The following SYTL2 variants were observed in gnomAD, a reference collection of about 807,000 sequenced individuals.
SYTL2 encodes synaptotagmin like 2.
A neutral mutation model predicts 198.7 loss-of-function variants in SYTL2; 165 were observed. The ratio of observed to expected loss-of-function variants is 0.83; its 90% CI spans 0.73 to 0.94. The LOEUF (loss-of-function observed/expected upper bound fraction) is 0.94, where lower values mean the gene tolerates loss of function less well. Among genes scored for constraint, SYTL2 ranks in the 40% least tolerant of loss-of-function variants. SYTL2 has a pLI of 0.00. For missense variants in SYTL2, 2,835 were observed against 2,582.8 expected, an observed-to-expected ratio of 1.10 and a Z score of -2.12; for synonymous variants, 966 against 917.7, an observed-to-expected ratio of 1.05 and a Z score of -0.95.
At chr11:85,839,918 C>T in the SYTL2 span, among the ~76,000 whole-genome samples, 1 of 152,150 alleles carries the variant, frequency 6.6e-6, no homozygotes, top group African/African-American at 2.4e-5. Flanking sequence ...ACAAGGATTC[C>T]CATTTCTCCA....
chr11:85,850,532 G>A, the SYTL2 span, among the ~76,000 whole-genome samples: 1 of 151,524 alleles, frequency 6.6e-6, no homozygotes, highest in East Asian at 1.9e-4. Context: ...AACAACAGGT[G>A]CTGGAGAGGA....
intron 1 of SYTL2, among the ~76,000 whole-genome samples, chr11:85,787,731 G>A (rs1211186776): frequency 3.6e-5 from 3 of 83,714 alleles, no homozygotes; most frequent in Admixed American, 1.4e-4. Context: ...TATTTTTATG[G>A]TATTTAGTAT....
chr11:85,806,125 ACTT>A (rs988988767), intron 1 of SYTL2, among the ~76,000 whole-genome samples: 4 of 152,236 alleles, frequency 2.6e-5, no homozygotes, highest in Non-Finnish European at 4.4e-5. Flanking sequence ...AATTTAAATT[ACTT>A]ATACTAAGTT....
At chr11:85,802,157 T>C (rs1023085930) in intron 1 of SYTL2, among the ~76,000 whole-genome samples, 1 of 151,918 alleles carries the variant, frequency 6.6e-6, no homozygotes, top group Admixed American at 6.6e-5. Flanking sequence ...CTCCATGGCT[T>C]TGAACTTGAA....
At chr11:85,768,420 T>C (rs377558973) in intron 1 of SYTL2, among the ~76,000 whole-genome samples, 1 of 152,202 alleles carries the variant, frequency 6.6e-6, no homozygotes, top group African/African-American at 2.4e-5. Flanking sequence ...CGTTTGTTTC[T>C]TCATCTATTC....
chr11:85,802,406 C>T (rs914582119), intron 1 of SYTL2, among the ~76,000 whole-genome samples: 1 of 152,014 alleles, frequency 6.6e-6, no homozygotes, highest in African/African-American at 2.4e-5. Flanking sequence ...GCTAGGATTA[C>T]AGGCATGAGC....
chr11:85,695,270 C>T lies in SYTL2; in HGVS notation c.6645G>A (p.Met2215Ile), dbSNP rs1384500485. The change falls in exon 20 of 20, where the codon ATG (methionine) becomes ATA (isoleucine). Residue 2215 changes from methionine (M) to isoleucine (I), a missense_variant. Physicochemically the swap from Met to Ile is conservative, Grantham distance 10. Coordinates refer to ENST00000359152, the MANE Select transcript of SYTL2 (RefSeq NM_206927.4). ...CAATCCAAGTATTGGGGGAGTTTAC[C>T]ATCTTCTCCCAGAGAGCAACTTCCT... ...TSEEVALWEK[M>I]VNSPNTWIEA... is the part of the protein sequence containing the mutation. The T allele has an allele frequency of 6.2e-7, 1 of 1,612,536 alleles. No individual in the cohort carries two copies. The highest frequency in any genetic ancestry group is 8.5e-7 in the Non-Finnish European group (1 of 1,178,858).
intron 3 of SYTL2, 63 bp downstream of exon 3, chr11:85,748,209 T>C: frequency 6.5e-7 from 1 of 1,550,384 alleles, no homozygotes. Context: ...CACCATTCCC[T>C]TCTCCCCGCT....
chr11:85,718,837 G>T lies in SYTL2; in HGVS notation c.5435C>A (p.Ala1812Glu). The change falls in exon 10 of 20, where the codon GCA (alanine) becomes GAA (glutamate). Residue 1812 changes from alanine to glutamate, a missense_variant. Physicochemically the swap from Ala to Glu is moderately radical, Grantham distance 107. This residue lies in a region of SYTL2 where 2,645 missense variants were observed against 2,381.7 expected (regional missense o/e 1.11). Coordinates refer to ENST00000359152, the MANE Select transcript of SYTL2 (RefSeq NM_206927.4). ...TTCTTCTGGCTGATTATCTACTTTTGCTTGATCTGTTCAGAAGAAATTAAC... is the reference window on the plus strand; with the variant it reads ...TTCTTCTGGCTGATTATCTACTTTTTCTTGATCTGTTCAGAAGAAATTAAC... ...EDISSDSSNQ[A>E]KVDNQPEELV... The T allele has an allele frequency of 6.2e-7, 1 of 1,613,512 alleles. No individual in the cohort carries two copies. The highest frequency in any genetic ancestry group is 8.5e-7 in the Non-Finnish European group (1 of 1,179,698).
upstream of SYTL2, among the ~76,000 whole-genome samples, chr11:85,812,606 T>C (rs1299680455): frequency 4.6e-5 from 7 of 152,148 alleles, no homozygotes; most frequent in South Asian, 1.0e-3. Context: ...AAAATACAAA[T>C]GTGACCAAGG....
At chr11:85,738,421 C>T (rs149485819) in intron 4 of SYTL2, among the ~76,000 whole-genome samples, 84 of 151,532 alleles carry the variant, frequency 5.5e-4, no homozygotes, top group Middle Eastern at 3.4e-3. Flanking sequence ...TACATAGAGG[C>T]GAGAAAGGGG....
chr11:85,711,815 A>T (rs754076160), intron 12 of SYTL2, among the ~76,000 whole-genome samples: 1 of 152,082 alleles, frequency 6.6e-6, no homozygotes, highest in African/African-American at 2.4e-5. Context: ...TTCCTGTGTT[A>T]TTATGCTTAT....
intron 2 of SYTL2, among the ~76,000 whole-genome samples, chr11:85,754,785 G>A (rs1196903296): frequency 1.3e-5 from 2 of 152,114 alleles, no homozygotes; most frequent in Non-Finnish European, 2.9e-5. Context: ...AGATGCAAAC[G>A]CATGTCAGTT....
chr11:85,834,750 TTTTC>T, the SYTL2 span, among the ~76,000 whole-genome samples: 246 of 134,910 alleles, frequency 1.8e-3, no homozygotes, highest in African/African-American at 6.9e-3. Flanking sequence ...TATTAAATGC[TTTTC>T]TTTTTCTTTT....
rs756342109 is a variant in SYTL2 at position 85,725,154 on chromosome 11, C to A, written c.4204G>T (p.Glu1402Ter). Residue 1402 changes from glutamate to a stop codon, truncating the protein, a stop_gained, in exon 8 of 20, where the codon GAA becomes TAA. Coordinates refer to ENST00000359152, the MANE Select transcript of SYTL2 (RefSeq NM_206927.4). LOFTEE classifies it high-confidence loss of function. Reference protein sequence around the residue: ...GPGEVNPEFPEAVQPVCSPLN... With the variant: ...GPGEVNPEFP ...GGGCTACATACTGGCTGTACTGCTT[C>A]AGGAAATTCTGGGTTCACTTCTCCA... 1.2e-6 allele frequency: 2 copies of A among 1,614,030 alleles called. No individual in the cohort carries two copies. The highest frequency in any genetic ancestry group is 2.2e-5 in the South Asian group (2 of 91,062).
chr11:85,757,422 T>C (rs1381293120), intron 2 of SYTL2, among the ~76,000 whole-genome samples: 4 of 152,164 alleles, frequency 2.6e-5, no homozygotes, highest in African/African-American at 9.7e-5. Context: ...CAAGACCCTA[T>C]TTCTGGTAGG....
At chr11:85,793,844 T>C (rs188630875) in intron 1 of SYTL2, among the ~76,000 whole-genome samples, 1 of 152,358 alleles carries the variant, frequency 6.6e-6, no homozygotes, top group Admixed American at 6.5e-5. Flanking sequence ...TCCACATTGT[T>C]TTAGTCATAT....
chr11:85,735,679 C>T (rs1317695502), intron 6 of SYTL2, among the ~76,000 whole-genome samples: 1 of 152,032 alleles, frequency 6.6e-6, no homozygotes, highest in Admixed American at 6.5e-5. Context: ...AGCCCCGGAA[C>T]CCGGGAGGCG....
chr11:85,741,951 T>A (rs895987879), intron 4 of SYTL2, among the ~76,000 whole-genome samples: 2 of 152,228 alleles, frequency 1.3e-5, no homozygotes, highest in Admixed American at 6.5e-5. Context: ...ATGCACAGTT[T>A]TTCTTGCAAG....
Sources: allele counts gnomAD v4.1 joint callset (sites outside exome capture counted in the v4.1 genomes callset), GRCh38; gene constraint gnomAD v4.1.1; regional missense constraint gnomAD v4.1.1; transcripts MANE v1.5; gene names NCBI Gene and HGNC (gene_info 2026-07-23, HGNC 2026-07-21).